PTPN14: variants seen among roughly 807,000 people sequenced by gnomAD.
PTPN14 encodes the protein protein tyrosine phosphatase non-receptor type 14.
In PTPN14, 53 loss-of-function variants were observed where a neutral mutation model predicts 126.8. That is an observed-to-expected ratio of 0.42 (90% confidence interval 0.34 to 0.53). PTPN14 has a LOEUF of 0.53. Among genes scored for constraint, PTPN14 ranks in the 20% least tolerant of loss-of-function variants. The probability of loss-of-function intolerance (pLI) is 0.08; values close to 1 mark genes in which losing one functional copy is unlikely to be tolerated. For missense variants in PTPN14, 1,257 were observed against 1,552.9 expected, an observed-to-expected ratio of 0.81 and a Z score of 3.20; for synonymous variants, 630 against 599.3, an observed-to-expected ratio of 1.05 and a Z score of -0.75.
chr1:214,417,775 G>A (rs2102589159), intron 3 of PTPN14, among the ~76,000 whole-genome samples: 1 of 152,232 alleles, frequency 6.6e-6, no homozygotes, highest in Non-Finnish European at 1.5e-5. Context: ...AAGGCACCAG[G>A]AACTCAGAGG....
chr1:214,395,588 AACACACACACACACACACACACACAC>A (rs57357032), intron 8 of PTPN14, among the ~76,000 whole-genome samples: 1 of 132,472 alleles, frequency 7.5e-6, no homozygotes, highest in Non-Finnish European at 1.6e-5. Context: ...GGGACCCAAC[AACACACACACACACACACACACACAC>A]ACACACACAC....
At chr1:214,408,625 A>C (rs535657816) in intron 5 of PTPN14, among the ~76,000 whole-genome samples, 167 of 152,338 alleles carry the variant, frequency 1.1e-3, no homozygotes, top group African/African-American at 3.9e-3. Flanking sequence ...GACAATAATA[A>C]ATACATACAT....
rs12562873 is a variant in PTPN14, at chr1:214,520,955, G to A, written c.-155+30228C>T. Among the ~76,000 whole-genome samples, 548 of 151,854 alleles carry A rather than the reference G, an allele frequency of 3.6e-3. 4 individuals carry two copies. Among genetic ancestry groups the A allele is most frequent in the Non-Finnish European group, 5.0e-3 (342 of 67,970 alleles). On this transcript the variant is annotated intron_variant, in intron 1 of 18. Transcript: ENST00000366956. The stretch of plus-strand genomic sequence containing the variant: ...TTTAAAGAAGCTAAAATTGCCTTCC[G>A]TCTTTCTGTAACACTGGGGTAAATA...
chr1:214,384,543 A>T lies in PTPN14; in HGVS notation c.1312T>A (p.Ser438Thr). The change falls in exon 13 of 19, where the codon TCG becomes ACG. Residue 438 changes from serine (S) to threonine (T), a missense_variant. Coordinates refer to ENST00000366956, the MANE Select transcript of PTPN14 (RefSeq NM_005401.5). This position sits in a 1 kb window ranked among gnomAD's most constrained non-coding sequence, Gnocchi z 5.3. ...TCATAATCGGGGGTTGGCCTGTACG[A>T]GGGCACGATGATCGCGCTGTGCCGG... ...SHRHSAIIVP[S>T]YRPTPDYETV... 1 of 1,613,984 alleles carries T rather than the reference A, an allele frequency of 6.2e-7. No individual in the cohort carries two copies. The highest frequency in any genetic ancestry group is 8.5e-7 in the Non-Finnish European group (1 of 1,180,004).
At position 214,386,904 on chromosome 1, in the gene PTPN14, T is replaced by C; in HGVS notation, c.1006A>G (p.Ile336Val). 6 of 1,606,534 alleles carry C rather than the reference T, an allele frequency of 3.7e-6. No homozygotes were observed. The highest frequency in any genetic ancestry group is 5.1e-6 in the Non-Finnish European group (6 of 1,173,536). ...CACTGGACGTGAACGGGAGGCAGGA[T>C]GTACGGCTGCTGCCTGGGCTGAAAC... ...RSSLPRQQPY[I>V]LPPVHVQCGE... Residue 336 changes from isoleucine (I) to valine (V), a missense_variant, in exon 12 of 19, where the codon ATC becomes GTC. This residue lies in a region of PTPN14 where 1,021 missense variants were observed against 1,183.3 expected (regional missense o/e 0.86). Transcript: ENST00000366956.
intron 8 of PTPN14, among the ~76,000 whole-genome samples, chr1:214,395,913 T>C (rs1274476292): frequency 1.3e-5 from 2 of 152,056 alleles, no homozygotes; most frequent in Non-Finnish European, 2.9e-5. Context: ...CCCTTCATCA[T>C]ATCCCCCTAC....
intron 11 of PTPN14, among the ~76,000 whole-genome samples, chr1:214,389,188 A>G (rs1427948922): frequency 1.3e-5 from 2 of 152,208 alleles, no homozygotes; most frequent in East Asian, 3.8e-4. Flanking sequence ...AGGGAATAGA[A>G]ATACACAGCA....
At chr1:214,534,331 T>C (rs1045021309) in intron 1 of PTPN14, among the ~76,000 whole-genome samples, 1 of 152,202 alleles carries the variant, frequency 6.6e-6, no homozygotes, top group African/African-American at 2.4e-5. Context: ...TCTATGTTTA[T>C]AGTGATACTT....
chr1:214,447,796 C>T (rs749132926), intron 3 of PTPN14, among the ~76,000 whole-genome samples: 7 of 152,236 alleles, frequency 4.6e-5, no homozygotes, highest in Non-Finnish European at 1.0e-4. Flanking sequence ...CTGAAATCTA[C>T]ATAATTTAGT....
Position 214,364,944 on chromosome 1 carries a change from C to A in PTPN14, c.3272-269G>T, listed in dbSNP as rs1048464241. On this transcript the variant is annotated intron_variant, in intron 17 of 18. Coordinates refer to ENST00000366956, the MANE Select transcript of PTPN14 (RefSeq NM_005401.5). This position sits in a 1 kb window ranked among gnomAD's most constrained non-coding sequence, Gnocchi z 4.1. ...AATTTGTTCTTTAAATTAAATAGTA[C>A]TTTTTTAAAAATTAAATTCTGTTTT... 2.0e-5 allele frequency among the ~76,000 whole-genome samples: 3 copies of A among 151,988 alleles called. No individual in the cohort carries two copies. The highest frequency in any genetic ancestry group is 7.2e-5 in the African/African-American group (3 of 41,380).
intron 3 of PTPN14, among the ~76,000 whole-genome samples, chr1:214,446,813 T>C (rs1265314866): frequency 1.3e-5 from 2 of 152,120 alleles, no homozygotes; most frequent in African/African-American, 4.8e-5. Context: ...TGGCTGGTCA[T>C]GACTAATGCT....
intron 1 of PTPN14, among the ~76,000 whole-genome samples, chr1:214,477,091 C>G (rs187968882): frequency 1.3e-5 from 2 of 152,320 alleles, no homozygotes; most frequent in African/African-American, 4.8e-5. Flanking sequence ...GAAACCGCAA[C>G]AGGGTGCCCA....
At chr1:214,381,555 C>G (rs1658472806) in intron 13 of PTPN14, among the ~76,000 whole-genome samples, 1 of 152,194 alleles carries the variant, frequency 6.6e-6, no homozygotes, top group Non-Finnish European at 1.5e-5. Context: ...GTGGGGCTGG[C>G]CAGAACTGTG....
At chr1:214,367,069 A>C (rs1025765229) in intron 17 of PTPN14, among the ~76,000 whole-genome samples, 44 of 152,280 alleles carry the variant, frequency 2.9e-4, no homozygotes, top group African/African-American at 9.9e-4. Flanking sequence ...ACTATACTTT[A>C]AAGTGCCTTA....
intron 3 of PTPN14, among the ~76,000 whole-genome samples, chr1:214,419,427 A>G (rs1424926469): frequency 6.6e-6 from 1 of 152,204 alleles, no homozygotes. Flanking sequence ...AAGCCTTTCC[A>G]TAAAACTACT....
At chr1:214,394,789 G>T in intron 9 of PTPN14, 110 bp downstream of exon 9, 2 of 947,166 alleles carry the variant, frequency 2.1e-6, no homozygotes, top group Non-Finnish European at 3.4e-6. Context: ...ATCTCTTCAA[G>T]GGAGTATTTA....
chr1:214,481,970 G>A (rs890172983), intron 1 of PTPN14, among the ~76,000 whole-genome samples: 1 of 150,198 alleles, frequency 6.7e-6, no homozygotes, highest in Admixed American at 6.7e-5. Flanking sequence ...CTGGGTGACA[G>A]AGCGAGAGTC....
At chr1:214,452,025 A>G (rs767454132) in intron 2 of PTPN14, 51 bp from the exon 3 acceptor site, 10 of 1,553,182 alleles carry the variant, frequency 6.4e-6, no homozygotes, top group Non-Finnish European at 8.7e-6. Context: ...CAAGCATCCC[A>G]AGGCCACACA....
chr1:214,402,804 T>C (rs1219385175), intron 6 of PTPN14, 79 bp downstream of exon 6: 4 of 1,492,868 alleles, frequency 2.7e-6, no homozygotes, highest in Admixed American at 1.7e-5. Context: ...GAGTTGCTGA[T>C]AGGGAGATGG....
Sources: allele counts gnomAD v4.1 joint callset (sites outside exome capture counted in the v4.1 genomes callset), GRCh38; gene constraint gnomAD v4.1.1; regional missense constraint gnomAD v4.1.1; non-coding constraint Gnocchi (gnomAD v3.1); transcripts MANE v1.5; gene names NCBI Gene and HGNC (gene_info 2026-07-23, HGNC 2026-07-21).